WDPCP: variants seen among roughly 807,000 people sequenced by gnomAD.
WDPCP encodes the protein WD repeat containing planar cell polarity effector.
In WDPCP, 71 loss-of-function variants were observed where a neutral mutation model predicts 93.1. The observed-to-expected ratio is 0.76, with a 90% CI of 0.63 to 0.93. The LOEUF (loss-of-function observed/expected upper bound fraction) is 0.93, where lower values mean the gene tolerates loss of function less well. WDPCP is among the 40% of genes least tolerant of loss of function. The pLI is 0.00. For synonymous variants in WDPCP, 315 were observed against 315.0 expected, an observed-to-expected ratio of 1.00 and a Z score of 0.00; for missense variants, 844 against 887.4, an observed-to-expected ratio of 0.95 and a Z score of 0.62.
intron 13 of WDPCP, among the ~76,000 whole-genome samples, chr2:63,281,777 C>T (rs748890420): frequency 9.9e-5 from 15 of 151,942 alleles, no homozygotes; most frequent in East Asian, 3.9e-4. Flanking sequence ...TAAGCTATGA[C>T]GACACAATAT....
At chr2:63,829,214 G>A (rs1263956988), upstream of WDPCP, among the ~76,000 whole-genome samples, 4 of 152,002 alleles carry the variant, frequency 2.6e-5, no homozygotes, top group Admixed American at 6.6e-5. Context: ...CATTTCACAC[G>A]TTTTACTCAT....
rs562907698 is a variant in WDPCP at position 63,323,779 on chromosome 2, G to A, written c.1749-10468C>T. ...CAAGGGTGCAGGTTTTCGAGAATGC[G>A]TTGGTAAGGGCCACTAAATCCGACC... On this transcript the variant is annotated intron_variant, in intron 12 of 17. Coordinates refer to ENST00000272321, the MANE Select transcript of WDPCP (RefSeq NM_015910.7). Among the ~76,000 whole-genome samples the A allele has an allele frequency of 2.4e-4, 37 of 152,284 alleles. No individual in the cohort carries two copies. In the South Asian group the frequency reaches 3.3e-3, roughly 14 times the overall value.
chr2:63,727,610 G>A (rs1312020306), intron 2 of WDPCP, among the ~76,000 whole-genome samples: 1 of 152,136 alleles, frequency 6.6e-6, no homozygotes, highest in Non-Finnish European at 1.5e-5. Flanking sequence ...TTTCTGAATA[G>A]TTTCAGTGGT....
At chr2:63,402,324 G>A (rs543008943) in intron 10 of WDPCP, among the ~76,000 whole-genome samples, 26 of 152,220 alleles carry the variant, frequency 1.7e-4, no homozygotes, top group African/African-American at 5.1e-4. Flanking sequence ...TGGGGGTGGG[G>A]AGCAAGGAGA....
At chr2:63,433,571 C>T (rs1369742868) in intron 9 of WDPCP, among the ~76,000 whole-genome samples, 174 bp downstream of exon 9, 2 of 152,202 alleles carry the variant, frequency 1.3e-5, no homozygotes, top group Non-Finnish European at 2.9e-5. Flanking sequence ...AATTACTACA[C>T]TATTCTAGCC....
intron 2 of WDPCP, among the ~76,000 whole-genome samples, chr2:63,700,091 G>A (rs1284383879): frequency 1.3e-5 from 2 of 151,858 alleles, no homozygotes; most frequent in East Asian, 3.9e-4. Flanking sequence ...TTTGACACCC[G>A]CCTGGGCAAC....
intron 2 of WDPCP, among the ~76,000 whole-genome samples, chr2:63,813,006 C>T (rs1670883927): frequency 6.6e-6 from 1 of 151,810 alleles, no homozygotes; most frequent in Non-Finnish European, 1.5e-5. Context: ...GCACATAACA[C>T]CACACTCAGC....
At chr2:63,358,482 G>A (rs1384596948) in intron 12 of WDPCP, among the ~76,000 whole-genome samples, 1 of 152,056 alleles carries the variant, frequency 6.6e-6, no homozygotes, top group Non-Finnish European at 1.5e-5. Flanking sequence ...TTACTCTTTG[G>A]TAGAGACAGG....
chr2:63,769,960 T>C (rs1670200852), intron 2 of WDPCP, among the ~76,000 whole-genome samples: 1 of 151,984 alleles, frequency 6.6e-6, no homozygotes, highest in African/African-American at 2.4e-5. Context: ...TCATTCCTTT[T>C]GAGAGCCTTA....
At chr2:63,729,468 T>A (rs1339150760) in intron 2 of WDPCP, among the ~76,000 whole-genome samples, 1 of 152,134 alleles carries the variant, frequency 6.6e-6, no homozygotes, top group Non-Finnish European at 1.5e-5. Context: ...AGGAAACACA[T>A]AGCCCCAGTT....
At position 63,605,128 on chromosome 2, in the gene WDPCP, T is replaced by C. The variant is rs1022839785; in HGVS notation, n.488+45531A>G. The C allele has an allele frequency of 6.2e-6, 4 of 647,118 alleles. No individual in the cohort carries two copies. In the South Asian group the frequency reaches 8.0e-5, roughly 13 times the overall value. 40.1% of individuals were successfully genotyped at this position (647,118 alleles called of 1,614,324 possible). ...ACATAGTTTCCTTTTTCCAGAAGGATTGGTAAGGCTGACATTGGGTTGTTG... is the reference window on the plus strand; with the variant it reads ...ACATAGTTTCCTTTTTCCAGAAGGACTGGTAAGGCTGACATTGGGTTGTTG... On this transcript the variant is annotated intron_variant and non_coding_transcript_variant, in intron 3 of 4. Coordinates refer to the WDPCP transcript ENST00000467687.
chr2:63,377,653 T>A (rs907834242), intron 12 of WDPCP, among the ~76,000 whole-genome samples: 4 of 151,606 alleles, frequency 2.6e-5, no homozygotes, highest in Non-Finnish European at 5.9e-5. Context: ...TTTCATTCAC[T>A]CCAGACTGCT....
chr2:63,434,144 G>A (rs1390127993), intron 8 of WDPCP, among the ~76,000 whole-genome samples: 1 of 152,116 alleles, frequency 6.6e-6, no homozygotes, highest in Non-Finnish European at 1.5e-5. Context: ...CCCATTTTTA[G>A]CAAAGGAAGG....
intron 2 of WDPCP, among the ~76,000 whole-genome samples, chr2:63,732,170 A>T (rs1409299943): frequency 6.6e-6 from 1 of 152,246 alleles, no homozygotes; most frequent in Non-Finnish European, 1.5e-5. Context: ...AGAGGGTGCT[A>T]TGCAATCATA....
intron 9 of WDPCP, among the ~76,000 whole-genome samples, chr2:63,427,950 C>T (rs753002896): frequency 6.6e-6 from 1 of 152,040 alleles, no homozygotes; most frequent in Non-Finnish European, 1.5e-5. Context: ...ATGAACATCA[C>T]CATGCATAAA....
At chr2:63,459,818 G>GCGCCCAGCCACTAAGTCTCTTATAAGC (rs1558663455) in intron 6 of WDPCP, among the ~76,000 whole-genome samples, 1 of 152,186 alleles carries the variant, frequency 6.6e-6, no homozygotes, top group Non-Finnish European at 1.5e-5. Context: ...TCAGGAGGCT[G>GCGCCCAGCCACTAAGTCTCTTATAAGC]AGGCAAGAGA....
chr2:63,176,773 A>G (rs1048354794), intron 14 of WDPCP, among the ~76,000 whole-genome samples: 1 of 152,158 alleles, frequency 6.6e-6, no homozygotes. Flanking sequence ...TTGTAGTCCC[A>G]TTTGTCTATT....
chr2:63,811,375 A>T (rs1048702939), intron 2 of WDPCP, among the ~76,000 whole-genome samples: 7 of 152,160 alleles, frequency 4.6e-5, no homozygotes, highest in African/African-American at 1.4e-4. Flanking sequence ...TGGTCTGATG[A>T]AGTAAGCAGC....
chr2:63,644,001 T>A, intron 3 of WDPCP: 1 of 465,800 alleles, frequency 2.1e-6, no homozygotes, highest in South Asian at 1.6e-5. Context: ...ATCCAATGCT[T>A]TGGAGCTGGT....
Sources: allele counts gnomAD v4.1 joint callset (sites outside exome capture counted in the v4.1 genomes callset), GRCh38; gene constraint gnomAD v4.1.1; transcripts MANE v1.5; gene names NCBI Gene and HGNC (gene_info 2026-07-23, HGNC 2026-07-21).